Variants in NKAIN3 observed in about 807,000 individuals in gnomAD.
NKAIN3 encodes sodium/potassium transporting ATPase interacting 3, also known as sodium/potassium-transporting ATPase subunit beta-1-interacting protein 3.
Under a neutral mutation model 30.2 loss-of-function variants are expected in NKAIN3, and 25 were observed. That is an observed-to-expected ratio of 0.83 (90% CI 0.60 to 1.16). The LOEUF (loss-of-function observed/expected upper bound fraction) is 1.16. NKAIN3 is among the 50% of genes most tolerant of loss of function. NKAIN3 has a pLI of 0.00. For synonymous variants in NKAIN3, 91 were observed against 89.6 expected (o/e 1.02, Z -0.09); for missense variants, 225 against 254.1 (o/e 0.89, Z 0.78).
chr8:62,949,944 C>A (rs760672561), intron 5 of NKAIN3, among the ~76,000 whole-genome samples: 6 of 152,114 alleles, frequency 3.9e-5, no homozygotes, highest in Non-Finnish European at 7.4e-5. Flanking sequence ...GAAAACCTGT[C>A]CATACCTTTT....
At chr8:62,468,356 A>C (rs1806225089) in intron 1 of NKAIN3, among the ~76,000 whole-genome samples, 1 of 152,240 alleles carries the variant, frequency 6.6e-6, no homozygotes, top group East Asian at 1.9e-4. Context: ...CATTTAATCT[A>C]GATCAAGGAA....
At chr8:62,842,432 A>G (rs974058933) in intron 4 of NKAIN3, among the ~76,000 whole-genome samples, 5 of 152,244 alleles carry the variant, frequency 3.3e-5, no homozygotes, top group Non-Finnish European at 7.4e-5. Context: ...AAATTCCCAT[A>G]CTACAAAAAA....
At chr8:62,889,035 G>A (rs1317054274) in intron 4 of NKAIN3, among the ~76,000 whole-genome samples, 5 of 152,008 alleles carry the variant, frequency 3.3e-5, no homozygotes, top group African/African-American at 1.2e-4. Flanking sequence ...AAGTTACAAA[G>A]AAAAATAAAA....
In NKAIN3 at chr8:62,511,361, G is replaced by A. The variant is rs140620218; in HGVS notation, c.55-68178G>A. ...GATTCAAGGACCAGCAACTCTCTAG[G>A]TCACTCCAAAACCATTGCAGCCTGC... On this transcript the variant is annotated intron_variant, in intron 1 of 6. Coordinates refer to ENST00000623646, the MANE Select transcript of NKAIN3 (RefSeq NM_001304533.3). Among the ~76,000 whole-genome samples, 32 of 152,134 alleles carry A rather than the reference G, an allele frequency of 2.1e-4. No homozygotes were observed. In the East Asian group the frequency reaches 5.8e-3, roughly 28 times the overall value.
chr8:62,672,317 G>A (rs1249258293), intron 3 of NKAIN3, among the ~76,000 whole-genome samples: 1 of 152,168 alleles, frequency 6.6e-6, no homozygotes. Context: ...GTCCCTGAAT[G>A]TCTCAGAATG....
chr8:62,815,072 T>C (rs1257988779), intron 4 of NKAIN3, among the ~76,000 whole-genome samples: 2 of 152,034 alleles, frequency 1.3e-5, no homozygotes, highest in Non-Finnish European at 2.9e-5. Flanking sequence ...AAACTACCCA[T>C]CAGAGAATAC....
At chr8:62,290,095 A>T (rs1585638914) in intron 1 of NKAIN3, among the ~76,000 whole-genome samples, 1 of 152,178 alleles carries the variant, frequency 6.6e-6, no homozygotes. Context: ...TTGATTTTGT[A>T]TCCTGAGACT....
chr8:62,252,389 A>C lies in NKAIN3; in HGVS notation c.54+3262A>C, dbSNP rs139813534. 2.4e-3 allele frequency among the ~76,000 whole-genome samples: 368 copies of C among 152,366 alleles called. 1 individual carries two copies. Among genetic ancestry groups the C allele is most frequent in the African/African-American group, 8.4e-3 (350 of 41,596 alleles). On this transcript the variant is annotated intron_variant, in intron 1 of 6. Coordinates refer to ENST00000623646, the MANE Select transcript of NKAIN3 (RefSeq NM_001304533.3). Reference sequence around the variant, plus strand: ...ATCTTATTCCCATTTTGTCTGAACTACTGTCTGGAGTGGGAAAATAAAAAC... The same window carrying C: ...ATCTTATTCCCATTTTGTCTGAACTCCTGTCTGGAGTGGGAAAATAAAAAC...
At chr8:62,921,427 C>T (rs1822272533) in intron 5 of NKAIN3, among the ~76,000 whole-genome samples, 1 of 152,158 alleles carries the variant, frequency 6.6e-6, no homozygotes, top group African/African-American at 2.4e-5. Flanking sequence ...CTCCTCTGCA[C>T]TGTTAAAGTG....
chr8:62,296,013 C>T (rs1243656488), intron 1 of NKAIN3, among the ~76,000 whole-genome samples: 1 of 152,112 alleles, frequency 6.6e-6, no homozygotes, highest in Admixed American at 6.6e-5. Flanking sequence ...TTTTGTTTGA[C>T]CTGTAAGACT....
chr8:62,533,774 C>T (rs1189385053), intron 1 of NKAIN3, among the ~76,000 whole-genome samples: 1 of 152,036 alleles, frequency 6.6e-6, no homozygotes, highest in African/African-American at 2.4e-5. Context: ...GGGAATTAAG[C>T]CTGAATTTTT....
At chr8:62,282,817 C>G (rs1438531705) in intron 1 of NKAIN3, among the ~76,000 whole-genome samples, 2 of 152,182 alleles carry the variant, frequency 1.3e-5, no homozygotes, top group African/African-American at 2.4e-5. Context: ...AGGGCCTGAA[C>G]TAAACCAAGA....
intron 1 of NKAIN3, among the ~76,000 whole-genome samples, chr8:62,321,742 G>C (rs186614629): frequency 6.6e-6 from 1 of 152,130 alleles, no homozygotes; most frequent in Non-Finnish European, 1.5e-5. Flanking sequence ...TGCCCCTACT[G>C]GGGGGTGCCT....
At chr8:62,295,232 G>C (rs1444095492) in intron 1 of NKAIN3, among the ~76,000 whole-genome samples, 1 of 152,138 alleles carries the variant, frequency 6.6e-6, no homozygotes, top group Non-Finnish European at 1.5e-5. Flanking sequence ...GCCCTTGTCT[G>C]AGACAAGCAG....
intron 1 of NKAIN3, among the ~76,000 whole-genome samples, chr8:62,494,205 C>T (rs895427819): frequency 3.3e-5 from 5 of 151,924 alleles, no homozygotes; most frequent in African/African-American, 9.7e-5. Flanking sequence ...TTCAATAACT[C>T]GTTTATTGAG....
At chr8:62,273,527 A>G (rs1327378530) in intron 1 of NKAIN3, among the ~76,000 whole-genome samples, 5 of 152,188 alleles carry the variant, frequency 3.3e-5, no homozygotes, top group African/African-American at 1.2e-4. Flanking sequence ...CCATTCTTCT[A>G]TCATGCAGCA....
chr8:62,445,907 TA>T (rs1805473216), intron 1 of NKAIN3, among the ~76,000 whole-genome samples: 1 of 152,154 alleles, frequency 6.6e-6, no homozygotes, highest in Admixed American at 6.6e-5. Context: ...ATATAGAGAT[TA>T]TGTTTGTTAA....
At chr8:62,275,691 A>G (rs1812927817) in intron 1 of NKAIN3, among the ~76,000 whole-genome samples, 1 of 152,240 alleles carries the variant, frequency 6.6e-6, no homozygotes, top group Admixed American at 6.5e-5. Flanking sequence ...TATTTAGTTT[A>G]GTGCAATGAA....
At chr8:62,555,125 G>C (rs140209719) in intron 1 of NKAIN3, among the ~76,000 whole-genome samples, 34 of 151,040 alleles carry the variant, frequency 2.3e-4, no homozygotes, top group African/African-American at 7.5e-4. Context: ...CTGTGAATAT[G>C]TATGCCACAA....
Sources: gnomAD v4.1 joint callset for allele counts (sites outside exome capture counted in the v4.1 genomes callset) on GRCh38, gnomAD v4.1.1 for gene constraint, MANE v1.5 for transcripts, NCBI Gene and HGNC (gene_info 2026-07-23, HGNC 2026-07-21) for gene names.